The following CACNA2D3 variants were observed in gnomAD, a reference collection of about 807,000 sequenced individuals.
CACNA2D3 encodes calcium voltage-gated channel auxiliary subunit alpha2delta 3.
In CACNA2D3, 60 loss-of-function variants were observed where a neutral mutation model predicts 160.6. The ratio of observed to expected loss-of-function variants is 0.37; its 90% confidence interval spans 0.30 to 0.46. CACNA2D3 has a LOEUF of 0.46. Among genes scored for constraint, CACNA2D3 ranks in the 20% least tolerant of loss-of-function variants. The pLI, the probability that CACNA2D3 is intolerant of heterozygous loss-of-function variation, is 1.00. For synonymous variants in CACNA2D3, 558 were observed against 492.9 expected, an observed-to-expected ratio of 1.13 and a Z score of -1.75; for missense variants, 1,205 against 1,365.0, an observed-to-expected ratio of 0.88 and a Z score of 1.85.
At chr3:54,815,480 G>A (rs1465612795) in intron 13 of CACNA2D3, among the ~76,000 whole-genome samples, 1 of 152,148 alleles carries the variant, frequency 6.6e-6, no homozygotes, top group Non-Finnish European at 1.5e-5. Context: ...TAAAAAGAAT[G>A]GGAAAGTCTG....
chr3:54,252,279 C>G (rs1177487720), intron 2 of CACNA2D3, among the ~76,000 whole-genome samples: 1 of 151,728 alleles, frequency 6.6e-6, no homozygotes, highest in Admixed American at 6.6e-5. Flanking sequence ...GATTTTATAC[C>G]AGAAATTATT....
At chr3:54,344,736 G>A (rs1454174691) in intron 3 of CACNA2D3, among the ~76,000 whole-genome samples, 2 of 152,102 alleles carry the variant, frequency 1.3e-5, no homozygotes, top group East Asian at 1.9e-4. Context: ...AGCTGTCAGA[G>A]GTGTGTGAAC....
intron 27 of CACNA2D3, among the ~76,000 whole-genome samples, chr3:54,933,277 A>G (rs543784369): frequency 4.7e-4 from 72 of 152,364 alleles, no homozygotes; most frequent in African/African-American, 1.6e-3. Flanking sequence ...AAATTATGCT[A>G]TTTTAACAAA....
chr3:54,747,631 A>G (rs1358388311), intron 11 of CACNA2D3, among the ~76,000 whole-genome samples: 1 of 152,052 alleles, frequency 6.6e-6, no homozygotes, highest in Admixed American at 6.6e-5. Flanking sequence ...CACCCATTGT[A>G]TCTCCAAGTT....
chr3:54,821,765 G>C (rs1225574061), intron 14 of CACNA2D3, among the ~76,000 whole-genome samples: 1 of 140,586 alleles, frequency 7.1e-6, no homozygotes, highest in African/African-American at 2.7e-5. Flanking sequence ...CATTCCTTAG[G>C]TACAAATTTG....
chr3:54,990,698 G>C (rs1344222113), intron 31 of CACNA2D3, among the ~76,000 whole-genome samples: 1 of 152,072 alleles, frequency 6.6e-6, no homozygotes, highest in African/African-American at 2.4e-5. Context: ...GGGAAGCAAG[G>C]TGATGCTTGT....
chr3:54,665,909 C>A (rs1700061839), intron 11 of CACNA2D3, among the ~76,000 whole-genome samples: 1 of 151,824 alleles, frequency 6.6e-6, no homozygotes. Flanking sequence ...TCAAGCGATA[C>A]TCCTACCTCA....
In CACNA2D3 at chr3:54,872,907, A is replaced by G. The variant is rs1210805099; in HGVS notation, c.1710+1285A>G. On this transcript the variant is annotated intron_variant, in intron 18 of 37. Coordinates refer to ENST00000474759, the MANE Select transcript of CACNA2D3 (RefSeq NM_018398.3). The stretch of plus-strand genomic sequence containing the variant: ...TTCTTATTCCTTAAACACTGTCACA[A>G]GGATCCGGTCAGTTCTTAGGACTGT... Among the ~76,000 whole-genome samples, 4 of 152,046 alleles carry G rather than the reference A, an allele frequency of 2.6e-5. No homozygotes were observed. The East Asian group carries it at 7.8e-4, about 30-fold the overall frequency.
chr3:54,212,263 A>T (rs952337223), intron 2 of CACNA2D3, among the ~76,000 whole-genome samples: 1 of 152,282 alleles, frequency 6.6e-6, no homozygotes, highest in African/African-American at 2.4e-5. Context: ...GACATAATAC[A>T]TCAATCAGTA....
At chr3:54,568,197 T>C (rs540072645) in intron 6 of CACNA2D3, among the ~76,000 whole-genome samples, 51 of 152,348 alleles carry the variant, frequency 3.3e-4, no homozygotes, top group African/African-American at 1.2e-3. Flanking sequence ...TTTCCTCCAA[T>C]GTTAGTTTGT....
At chr3:54,495,514 T>A (rs960555179) in intron 4 of CACNA2D3, among the ~76,000 whole-genome samples, 1 of 152,152 alleles carries the variant, frequency 6.6e-6, no homozygotes, top group African/African-American at 2.4e-5. Context: ...TTTGGGAGGC[T>A]GAAGAGGGCA....
At chr3:54,386,689 C>CTT in intron 3 of CACNA2D3, 26 bp from the exon 4 acceptor site, 1 of 1,318,622 alleles carries the variant, frequency 7.6e-7, no homozygotes, top group Non-Finnish European at 1.0e-6. Flanking sequence ...TTAATGCTGT[C>CTT]TTCTGTTTTT....
chr3:54,764,425 G>C, intron 13 of CACNA2D3, 74 bp downstream of exon 13: 1 of 1,552,578 alleles, frequency 6.4e-7, no homozygotes, highest in South Asian at 1.1e-5. Flanking sequence ...CCAGAAAATA[G>C]CAACTGTATC....
chr3:54,318,086 A>G (rs1170322487), intron 2 of CACNA2D3, among the ~76,000 whole-genome samples: 4 of 152,134 alleles, frequency 2.6e-5, no homozygotes, highest in Admixed American at 2.6e-4. Context: ...TCTTCCTTGC[A>G]TTGTAAAATT....
intron 3 of CACNA2D3, among the ~76,000 whole-genome samples, chr3:54,382,621 A>G (rs896898795): frequency 3.3e-5 from 5 of 152,130 alleles, no homozygotes; most frequent in African/African-American, 9.7e-5. Context: ...CATCTCTGCT[A>G]AAAAATACAA....
chr3:54,890,697 T>C (rs898211949), intron 24 of CACNA2D3, among the ~76,000 whole-genome samples: 1 of 152,174 alleles, frequency 6.6e-6, no homozygotes, highest in Non-Finnish European at 1.5e-5. Context: ...AAGGCCGTTC[T>C]TAGAGTTCCT....
At chr3:55,034,598 T>C (rs1464185791) in intron 35 of CACNA2D3, among the ~76,000 whole-genome samples, 1 of 152,104 alleles carries the variant, frequency 6.6e-6, no homozygotes, top group East Asian at 1.9e-4. Flanking sequence ...TAACTACTGA[T>C]AAAATTTTGG....
intron 2 of CACNA2D3, among the ~76,000 whole-genome samples, chr3:54,193,868 C>T (rs1027772755): frequency 1.3e-5 from 2 of 152,190 alleles, no homozygotes; most frequent in Non-Finnish European, 2.9e-5. Context: ...TTCTCTGTGC[C>T]TCAATTTTCT....
At chr3:54,204,796 G>GAAAAAA (rs57129457) in intron 2 of CACNA2D3, among the ~76,000 whole-genome samples, 406 of 73,200 alleles carry the variant, frequency 5.5e-3, no homozygotes, top group Non-Finnish European at 9.0e-3. Context: ...ATGCTGTCTT[G>GAAAAAA]AAAAAAAAAA....
Sources: allele counts gnomAD v4.1 joint callset (sites outside exome capture counted in the v4.1 genomes callset), GRCh38; gene constraint gnomAD v4.1.1; transcripts MANE v1.5; gene names NCBI Gene and HGNC (gene_info 2026-07-23, HGNC 2026-07-21).